Variants in SLIT2 observed in about 807,000 individuals in gnomAD.
SLIT2 encodes slit homolog 2 protein.
In SLIT2, 41 loss-of-function variants were observed where a neutral mutation model predicts 185.7. That is an observed-to-expected ratio of 0.22 (90% CI 0.17 to 0.29). The LOEUF (loss-of-function observed/expected upper bound fraction) is 0.29, where lower values mean the gene tolerates loss of function less well. Among genes scored for constraint, SLIT2 ranks in the 10% least tolerant of loss-of-function variants. SLIT2 has a pLI of 1.00. For missense variants in SLIT2, 1,571 were observed against 1,909.0 expected (o/e 0.82, Z 3.30); for synonymous variants, 693 against 680.2 (o/e 1.02, Z -0.29).
chr4:20,579,777 A>G (rs1726382140), intron 29 of SLIT2, among the ~76,000 whole-genome samples: 1 of 151,784 alleles, frequency 6.6e-6, no homozygotes, highest in South Asian at 2.1e-4. Context: ...TCATTTCGGG[A>G]AACATTTATT....
intron 34 of SLIT2, 144 bp from the exon 35 acceptor site, chr4:20,616,766 T>C: frequency 2.6e-6 from 2 of 782,270 alleles, no homozygotes; most frequent in South Asian, 2.0e-5. Flanking sequence ...CTACATCTCT[T>C]CTCCACTTCA....
intron 3 of SLIT2, among the ~76,000 whole-genome samples, chr4:20,265,463 A>G (rs1294831208): frequency 6.6e-6 from 1 of 151,914 alleles, no homozygotes; most frequent in Admixed American, 6.6e-5. Flanking sequence ...AGGGAAACGT[A>G]TACTGTTTTG....
chr4:20,542,450 A>C, intron 20 of SLIT2, 44 bp from the exon 21 acceptor site: 1 of 1,607,534 alleles, frequency 6.2e-7, no homozygotes, highest in East Asian at 2.2e-5. Context: ...TAGCACCTTC[A>C]AGACCACAAA....
At chr4:20,511,250 T>C in intron 11 of SLIT2, 113 bp downstream of exon 11, 1 of 601,144 alleles carries the variant, frequency 1.7e-6, no homozygotes, top group Non-Finnish European at 3.0e-6. Context: ...AATAATGAAT[T>C]ATTAATAATG....
chr4:20,286,814 T>G (rs1266922128), intron 4 of SLIT2, among the ~76,000 whole-genome samples: 1 of 152,034 alleles, frequency 6.6e-6, no homozygotes, highest in Non-Finnish European at 1.5e-5. Context: ...AGTAAATAAA[T>G]ATAGCTAAGA....
intron 4 of SLIT2, among the ~76,000 whole-genome samples, chr4:20,279,676 G>A (rs948981589): frequency 1.3e-5 from 2 of 152,294 alleles, no homozygotes; most frequent in Non-Finnish European, 2.9e-5. Flanking sequence ...TCTTATGGAA[G>A]TGATGTGTGG....
intron 33 of SLIT2, among the ~76,000 whole-genome samples, chr4:20,602,120 T>C (rs897609655): frequency 1.3e-5 from 2 of 152,222 alleles, no homozygotes; most frequent in Admixed American, 6.5e-5. Flanking sequence ...TTGTTTCACA[T>C]AAATCAGTAT....
At chr4:20,412,131 CACTT>C (rs1258601313) in intron 4 of SLIT2, among the ~76,000 whole-genome samples, 16 of 151,912 alleles carry the variant, frequency 1.1e-4, no homozygotes, top group Non-Finnish European at 2.9e-5. Flanking sequence ...GATGCACACA[CACTT>C]ACATGTCTGC....
chr4:20,373,343 C>G (rs771382504), intron 4 of SLIT2, among the ~76,000 whole-genome samples: 1 of 151,970 alleles, frequency 6.6e-6, no homozygotes, highest in African/African-American at 2.4e-5. Flanking sequence ...TTTGAAATAC[C>G]TAACTCAATA....
chr4:20,263,013 C>T (rs981210032), intron 3 of SLIT2, among the ~76,000 whole-genome samples: 4 of 151,672 alleles, frequency 2.6e-5, no homozygotes, highest in Admixed American at 6.6e-5. Context: ...TGCTGGATGC[C>T]GTGTCCTTTA....
At chr4:20,543,156 C>T (rs1722963671) in intron 21 of SLIT2, among the ~76,000 whole-genome samples, 1 of 151,956 alleles carries the variant, frequency 6.6e-6, no homozygotes, top group Non-Finnish European at 1.5e-5. Context: ...AAGAAACTAG[C>T]ATAATCTCTT....
chr4:20,283,703 GA>G (rs532375951), intron 4 of SLIT2, among the ~76,000 whole-genome samples: 77 of 152,064 alleles, frequency 5.1e-4, no homozygotes, highest in Non-Finnish European at 9.4e-4. Flanking sequence ...AATGAAAACA[GA>G]ATCATAAAAT....
chr4:20,510,585 A>G lies in SLIT2; in HGVS notation c.986+19A>G, dbSNP rs766039016. On this transcript the variant is annotated intron_variant, in intron 10 of 36. Transcript: ENST00000504154. Reference sequence around the variant, plus strand: ...GACGAATGTGAGTGAACAATATTCTACAATATATGTAATTTTAAAAATTAT... The same window carrying G: ...GACGAATGTGAGTGAACAATATTCTGCAATATATGTAATTTTAAAAATTAT... 1.4e-6 allele frequency: 2 copies of G among 1,479,386 alleles called. No homozygotes were observed. Among genetic ancestry groups the G allele is most frequent in the South Asian group, 2.3e-5 (2 of 87,606 alleles). The allele number at this position is 1,479,386 out of a possible 1,614,324, so 91.6% of individuals were successfully genotyped here.
In SLIT2 at chr4:20,254,902, C is replaced by G. The variant is rs1299987955; in HGVS notation, c.179+908C>G. On this transcript the variant is annotated intron_variant, in intron 1 of 36. Transcript: ENST00000504154. This position sits in a 1 kb window ranked among gnomAD's most constrained non-coding sequence, Gnocchi z 5.1. ...CTCTTCGCGCTCCGTTGCTCGCAGA[C>G]GTCCCCGCCTCCCTGTCTTTGCGAG... 3 of 456,048 alleles carry G rather than the reference C, an allele frequency of 6.6e-6. No individual in the cohort carries two copies. Among genetic ancestry groups the G allele is most frequent in the Non-Finnish European group, 1.3e-5 (3 of 226,916 alleles). The allele number at this position is 456,048 out of a possible 1,614,324, so 28.3% of individuals were successfully genotyped here.
chr4:20,581,784 C>T (rs924891483), intron 29 of SLIT2, among the ~76,000 whole-genome samples: 1 of 152,116 alleles, frequency 6.6e-6, no homozygotes, highest in Admixed American at 6.5e-5. Flanking sequence ...CTCTTCATTG[C>T]CCAGGCTAGA....
At chr4:20,617,735 A>T in intron 36 of SLIT2, 85 bp downstream of exon 36, 22 of 277,224 alleles carry the variant, frequency 7.9e-5, no homozygotes, top group East Asian at 3.9e-4. Flanking sequence ...GAAAAAGTGA[A>T]AAAAAAAAAA....
rs1714672250 is a variant in SLIT2 at position 20,469,055 on chromosome 4, C to CTG, written c.467+1234_467+1235dup. On this transcript the variant is annotated intron_variant, in intron 5 of 36. Coordinates refer to ENST00000504154, the MANE Select transcript of SLIT2 (RefSeq NM_004787.4). ...ATGTATAAAGCCATTAAAACTATGG[C>CTG]TGTAAGGTTTTTATGGGTGCTCAAT... Among the ~76,000 whole-genome samples, 3 of 152,064 alleles carry CTG rather than the reference C, an allele frequency of 2.0e-5. No individual in the cohort carries two copies. The South Asian group carries it at 6.2e-4, about 31-fold the overall frequency.
chr4:20,596,503 A>T lies in SLIT2; in HGVS notation c.3409A>T (p.Ile1137Phe). 6.2e-7 allele frequency: 1 copy of T among 1,614,082 alleles called. No homozygotes were observed. Among genetic ancestry groups the T allele is most frequent in the Non-Finnish European group, 8.5e-7 (1 of 1,179,964 alleles). Reference sequence around the variant, plus strand: ...TGATTGTCAGAATGGAGCTCAGTGTATCGTCAGAATAAATGAGCCAATATG... The same window carrying T: ...TGATTGTCAGAATGGAGCTCAGTGTTTCGTCAGAATAAATGAGCCAATATG... ...NFDCQNGAQC[I>F]VRINEPICQC... Residue 1137 changes from isoleucine to phenylalanine, a missense_variant, in exon 32 of 37, where the codon ATC becomes TTC. By Grantham distance (21) the Ile-to-Phe change is conservative. Coordinates refer to ENST00000504154, the MANE Select transcript of SLIT2 (RefSeq NM_004787.4).
rs917168902 is a variant in SLIT2 at position 20,544,902 on chromosome 4, G to A, written c.2277-1129G>A. Among the ~76,000 whole-genome samples, 9 of 151,980 alleles carry A rather than the reference G, an allele frequency of 5.9e-5. No homozygotes were observed. The Middle Eastern group carries it at 0.01, about 172-fold the overall frequency. On this transcript the variant is annotated intron_variant, in intron 21 of 36. Transcript: ENST00000504154. ...CTCTAGTGGTATCAAGAAAAACTTA[G>A]GTAGAGGAAAGAAAAAAATGGAGAG...
Sources: allele counts gnomAD v4.1 joint callset (sites outside exome capture counted in the v4.1 genomes callset), GRCh38; gene constraint gnomAD v4.1.1; non-coding constraint Gnocchi (gnomAD v3.1); transcripts MANE v1.5; gene names NCBI Gene and HGNC (gene_info 2026-07-23, HGNC 2026-07-21).